ZSWIM5: variants seen among roughly 807,000 people sequenced by gnomAD.
ZSWIM5 encodes the protein zinc finger SWIM domain-containing protein 5.
In ZSWIM5, 55 loss-of-function variants were observed where a neutral mutation model predicts 119.6. That is an observed-to-expected ratio of 0.46 (90% CI 0.37 to 0.58). ZSWIM5 has a LOEUF of 0.58. Ranked by LOEUF, ZSWIM5 falls within the 20% of genes least tolerant of loss-of-function variation. ZSWIM5 has a pLI of 0.00. For synonymous variants in ZSWIM5, 537 were observed against 606.9 expected, an observed-to-expected ratio of 0.88 and a Z score of 1.69; for missense variants, 1,193 against 1,512.8, an observed-to-expected ratio of 0.79 and a Z score of 3.51.
chr1:45,146,048 T>A (rs1645757598), intron 1 of ZSWIM5, among the ~76,000 whole-genome samples: 1 of 152,176 alleles, frequency 6.6e-6, no homozygotes. Flanking sequence ...GTGGCTCTGA[T>A]GAGAATGGAT....
At chr1:45,083,037 T>C (rs1220167823) in intron 2 of ZSWIM5, among the ~76,000 whole-genome samples, 1 of 152,022 alleles carries the variant, frequency 6.6e-6, no homozygotes, top group Non-Finnish European at 1.5e-5. Context: ...GCTACAGGCC[T>C]GGGGGATGGG....
chr1:45,042,841 T>A (rs1048546025), intron 6 of ZSWIM5, among the ~76,000 whole-genome samples: 21 of 152,302 alleles, frequency 1.4e-4, no homozygotes, highest in African/African-American at 4.3e-4. Context: ...TAGGAGATTT[T>A]AAAAAATTCA....
chr1:45,191,656 G>T (rs1183199673), intron 1 of ZSWIM5, among the ~76,000 whole-genome samples: 1 of 152,128 alleles, frequency 6.6e-6, no homozygotes, highest in Non-Finnish European at 1.5e-5. Flanking sequence ...AGTACACAGA[G>T]AATTGAGGCT....
chr1:45,062,854 C>T (rs533042678), intron 2 of ZSWIM5, among the ~76,000 whole-genome samples: 1 of 152,172 alleles, frequency 6.6e-6, no homozygotes, highest in African/African-American at 2.4e-5. Flanking sequence ...AGGGGATATA[C>T]GTACAGGTTT....
At chr1:45,176,207 C>T (rs1645980656) in intron 1 of ZSWIM5, among the ~76,000 whole-genome samples, 1 of 150,940 alleles carries the variant, frequency 6.6e-6, no homozygotes. Flanking sequence ...TGGGTATCTC[C>T]AATTACAATC....
At chr1:45,150,568 C>A (rs1385329167) in intron 1 of ZSWIM5, among the ~76,000 whole-genome samples, 1 of 152,172 alleles carries the variant, frequency 6.6e-6, no homozygotes, top group Non-Finnish European at 1.5e-5. Flanking sequence ...GAAATTTTAT[C>A]TTTCCTCTAT....
At chr1:45,039,645 A>G (rs1645007462) in intron 7 of ZSWIM5, among the ~76,000 whole-genome samples, 1 of 152,134 alleles carries the variant, frequency 6.6e-6, no homozygotes. Flanking sequence ...TCACCCTACC[A>G]AAGTCCTGGG....
chr1:45,059,596 T>C (rs1645141514), intron 3 of ZSWIM5, among the ~76,000 whole-genome samples: 1 of 152,160 alleles, frequency 6.6e-6, no homozygotes, highest in Non-Finnish European at 1.5e-5. Flanking sequence ...GTGGTGATGG[T>C]TGCATATAAC....
chr1:45,112,814 A>G (rs1211932851), intron 1 of ZSWIM5, among the ~76,000 whole-genome samples: 1 of 152,222 alleles, frequency 6.6e-6, no homozygotes, highest in East Asian at 1.9e-4. Flanking sequence ...CCTTTGTACC[A>G]GAGCATCACC....
intron 4 of ZSWIM5, among the ~76,000 whole-genome samples, 166 bp from the exon 5 acceptor site, chr1:45,051,419 C>G (rs983300104): frequency 1.3e-5 from 2 of 152,098 alleles, no homozygotes; most frequent in Non-Finnish European, 2.9e-5. Flanking sequence ...TTTTTCCTTC[C>G]CAACACTTCC....
At chr1:45,185,233 T>A (rs1017380173) in intron 1 of ZSWIM5, among the ~76,000 whole-genome samples, 1 of 151,240 alleles carries the variant, frequency 6.6e-6, no homozygotes, top group Non-Finnish European at 1.5e-5. Context: ...TCCTTACACC[T>A]TATACAAAAA....
rs116965676 is a variant in ZSWIM5 at position 45,112,151 on chromosome 1, T to C, written c.596-23914A>G. On this transcript the variant is annotated intron_variant, in intron 1 of 13. Transcript: ENST00000359600. ...AACCTATCTATCACCCCCAAATCTA[T>C]CTTCATGGCCCTGGCTCCCTGTTCC... 2.6e-3 allele frequency among the ~76,000 whole-genome samples: 390 copies of C among 152,302 alleles called. 13 individuals carry two copies. In the East Asian group the frequency reaches 0.065, roughly 25 times the overall value.
intron 1 of ZSWIM5, among the ~76,000 whole-genome samples, chr1:45,151,076 C>T (rs1433537850): frequency 6.6e-6 from 1 of 152,112 alleles, no homozygotes; most frequent in Admixed American, 6.6e-5. Context: ...CCAGGTCATC[C>T]CTCAGTGCCC....
intron 1 of ZSWIM5, among the ~76,000 whole-genome samples, chr1:45,101,335 C>T (rs1187985058): frequency 1.3e-5 from 2 of 152,136 alleles, no homozygotes; most frequent in Non-Finnish European, 2.9e-5. Context: ...ATCAAAACCA[C>T]AATGAGATAC....
intron 2 of ZSWIM5, among the ~76,000 whole-genome samples, chr1:45,085,156 C>G (rs1645318824): frequency 6.6e-6 from 1 of 152,242 alleles, no homozygotes; most frequent in African/African-American, 2.4e-5. Context: ...ATGGCTTGCA[C>G]CCTCTGGAGC....
intron 1 of ZSWIM5, among the ~76,000 whole-genome samples, chr1:45,159,287 A>C (rs938047954): frequency 6.6e-5 from 10 of 152,134 alleles, no homozygotes; most frequent in African/African-American, 2.4e-4. Context: ...ATTGCTATAA[A>C]AATTTCAAGT....
At chr1:45,187,463 A>T (rs899752100) in intron 1 of ZSWIM5, among the ~76,000 whole-genome samples, 13 of 152,194 alleles carry the variant, frequency 8.5e-5, no homozygotes, top group African/African-American at 2.9e-4. Flanking sequence ...AAAACAAAAT[A>T]TAAGAGCTAA....
intron 1 of ZSWIM5, among the ~76,000 whole-genome samples, chr1:45,175,767 C>A (rs1025398131): frequency 1.3e-5 from 2 of 151,112 alleles, no homozygotes; most frequent in Non-Finnish European, 3.0e-5. Flanking sequence ...AAAAAAAAAA[C>A]CATTGACACA....
chr1:45,129,888 T>C (rs1286534328), intron 1 of ZSWIM5, among the ~76,000 whole-genome samples: 1 of 151,908 alleles, frequency 6.6e-6, no homozygotes, highest in Non-Finnish European at 1.5e-5. Flanking sequence ...AAAAACATAA[T>C]CCATAAAAGG....
Sources: allele counts gnomAD v4.1 joint callset (sites outside exome capture counted in the v4.1 genomes callset), GRCh38; gene constraint gnomAD v4.1.1; transcripts MANE v1.5; gene names NCBI Gene and HGNC (gene_info 2026-07-23, HGNC 2026-07-21).